Variants in RECQL5 observed in about 807,000 individuals in gnomAD.
RECQL5 encodes the protein ATP-dependent DNA helicase Q5.
Under a neutral mutation model 103.4 loss-of-function variants are expected in RECQL5, and 88 were observed. That is an observed-to-expected ratio of 0.85 (90% CI 0.72 to 1.02). RECQL5 has a LOEUF of 1.02. Ranked by LOEUF, RECQL5 falls within the 50% of genes least tolerant of loss-of-function variation. RECQL5 has a pLI of 0.00. For missense variants in RECQL5, 1,232 were observed against 1,284.3 expected (o/e 0.96, Z 0.62); for synonymous variants, 552 against 507.9 (o/e 1.09, Z -1.17).
intron 2 of RECQL5, among the ~76,000 whole-genome samples, chr17:75,666,148 G>A (rs1216638922): frequency 6.6e-6 from 1 of 152,092 alleles, no homozygotes; most frequent in Admixed American, 6.6e-5. Context: ...GCTTTGGGCC[G>A]GGCGTGGTGG....
intron 8 of RECQL5, 85 bp downstream of exon 8, chr17:75,651,101 T>C (rs2059549779): frequency 6.2e-7 from 1 of 1,611,518 alleles, no homozygotes; most frequent in Non-Finnish European, 8.5e-7. Context: ...ACGGGCTGTC[T>C]TATGTCAGCT....
chr17:75,627,397 C>T lies in RECQL5; in HGVS notation c.*25G>A, dbSNP rs60609894. ...CCATGCTAGAATCTGGGGGAGGACG[C>T]GGGCCCTGCCCAGCCAGCAGTTGGT... On this transcript the variant is annotated 3_prime_UTR_variant, in exon 20 of 20. Coordinates refer to ENST00000317905, the MANE Select transcript of RECQL5 (RefSeq NM_004259.7). 2.3e-5 allele frequency: 36 copies of T among 1,586,878 alleles called. No individual in the cohort carries two copies. Among genetic ancestry groups the T allele is most frequent in the Admixed American group, 5.0e-5 (3 of 59,970 alleles).
At position 75,662,530 on chromosome 17, in the gene RECQL5, C is replaced by T. The variant is rs1462477041; in HGVS notation, c.720G>A (p.Gly240=). The change falls in exon 4 of 20, where the codon GGG becomes GGA. Residue 240 remains glycine, a synonymous_variant. Transcript: ENST00000317905. ...QFKELISDPY[G]NLKDFCLKAL... ...CCTTAAGGCAGAAGTCCTTCAGGTT[C>T]CCATAGGGATCAGAAATCAGTTCCT... is the stretch of plus-strand genomic sequence containing the variant. 28 of 1,614,030 alleles carry T rather than the reference C, an allele frequency of 1.7e-5. No homozygotes were observed. The highest frequency in any genetic ancestry group is 2.7e-5 in the African/African-American group (2 of 74,912).
At chr17:75,659,854 T>C (rs962770096) in intron 6 of RECQL5, among the ~76,000 whole-genome samples, 1 of 152,204 alleles carries the variant, frequency 6.6e-6, no homozygotes, top group Admixed American at 6.5e-5. Context: ...AAACGCCTCT[T>C]GAAGGTCATG....
At position 75,666,432 on chromosome 17, in the gene RECQL5, T is replaced by C; in HGVS notation, c.126A>G (p.Val42=). The part of the protein sequence containing the change: ...PLQESATMAV[V]KGNKDVFVCM... ...AAGGTAGCTTGGTAATGTTACCTTT[T>C]ACTACAGCCATGGTCGCACTCTCCT... The change falls in exon 2 of 20, where the codon GTA becomes GTG. Residue 42 remains valine (V), a synonymous_variant. Coordinates refer to ENST00000317905, the MANE Select transcript of RECQL5 (RefSeq NM_004259.7). 2 of 1,613,844 alleles carry C rather than the reference T, an allele frequency of 1.2e-6. No homozygotes were observed. The highest frequency in any genetic ancestry group is 1.1e-5 in the South Asian group (1 of 91,022).
rs202020084 is a variant in RECQL5 at position 75,629,056 on chromosome 17, G to C, written c.2367C>G (p.Pro789=). ...GGGGTCCCTGAACCCCCTCACAGGA[G>C]GGGCAGGCACCTTCTGCCTCTGGGG... The part of the protein sequence containing the change: ...ASAPEAEGAC[P]SCEGVQGPPM... The change falls in exon 16 of 20, where the codon CCC becomes CCG. Residue 789 remains proline, a synonymous_variant. Transcript: ENST00000317905. The C allele has an allele frequency of 1.4e-4, 222 of 1,605,614 alleles. 2 individuals carry two copies. The South Asian group carries it at 1.8e-3, about 13-fold the overall frequency.
intron 2 of RECQL5, among the ~76,000 whole-genome samples, chr17:75,665,836 A>G (rs1044406131): frequency 6.6e-6 from 1 of 152,180 alleles, no homozygotes; most frequent in Non-Finnish European, 1.5e-5. Flanking sequence ...TTGTTTAGAC[A>G]TGTATCATTA....
Position 75,662,614 on chromosome 17 carries a change from T to A in RECQL5, c.636A>T (p.Pro212=). ...DVFAALHLKK[P]VAIFKTPCFR... The stretch of plus-strand genomic sequence containing the variant: ...AGCAGGGAGTCTTGAAGATGGCAAC[T>A]GGTTTCTTCAGGTGCAGGGCAGCAA... Residue 212 remains proline (P), a synonymous_variant, in exon 4 of 20, where the codon CCA becomes CCT. Coordinates refer to ENST00000317905, the MANE Select transcript of RECQL5 (RefSeq NM_004259.7). The A allele has an allele frequency of 6.2e-7, 1 of 1,614,190 alleles. No individual in the cohort carries two copies. Among genetic ancestry groups the A allele is most frequent in the Non-Finnish European group, 8.5e-7 (1 of 1,180,044 alleles).
chr17:75,657,342 G>A (rs1042334217), intron 7 of RECQL5, among the ~76,000 whole-genome samples: 4 of 152,122 alleles, frequency 2.6e-5, no homozygotes, highest in African/African-American at 2.4e-5. Context: ...CTATGATTAC[G>A]CCTGTGAATC....
At chr17:75,651,047 G>A (rs1337809127) in intron 8 of RECQL5, 139 bp downstream of exon 8, 1 of 1,568,390 alleles carries the variant, frequency 6.4e-7, no homozygotes, top group Non-Finnish European at 8.6e-7. Flanking sequence ...CTTCCACACT[G>A]CCCGACACAA....
Position 75,662,963 on chromosome 17 carries a change from C to T in RECQL5, c.287G>A (p.Arg96Gln), listed in dbSNP as rs754082956. ...QVDHLLTLKV[R>Q]VSSLNSKLSA... The stretch of plus-strand genomic sequence containing the variant: ...GAGCTTCGAGTTCAGGGAACTTACT[C>T]GTACCTTTAGGGTTAGCAAGTGGTC... The change falls in exon 4 of 20, where the codon CGA becomes CAA. Residue 96 changes from arginine (R) to glutamine (Q), a missense_variant. Arg to Gln is a conservative substitution (Grantham distance 43). Transcript: ENST00000317905. The T allele has an allele frequency of 6.2e-6, 10 of 1,612,490 alleles. No homozygotes were observed. Among genetic ancestry groups the T allele is most frequent in the Admixed American group, 1.7e-5 (1 of 59,856 alleles).
chr17:75,630,131 A>G, intron 14 of RECQL5, 53 bp downstream of exon 14: 1 of 1,421,722 alleles, frequency 7.0e-7, no homozygotes, highest in East Asian at 2.5e-5. Context: ...CTTCTGCGTC[A>G]GAGTATGGAG....
In RECQL5 at chr17:75,627,680, C is replaced by G; in HGVS notation, c.2818G>C (p.Gly940Arg). The G allele has an allele frequency of 3.7e-6, 6 of 1,607,360 alleles. No individual in the cohort carries two copies. The highest frequency in any genetic ancestry group is 5.1e-6 in the Non-Finnish European group (6 of 1,176,690). Reference sequence around the variant, plus strand: ...AAGTGTGAGAGGTGGCGGGCAAAGCCTTTAAACAACTCCTGGAAGGGAGAG... The same window carrying G: ...AAGTGTGAGAGGTGGCGGGCAAAGCGTTTAAACAACTCCTGGAAGGGAGAG... ...GKFASKELFK[G>R]FARHLSHLLT... Residue 940 changes from glycine to arginine, a missense_variant, in exon 19 of 20, where the codon GGC becomes CGC. Transcript: ENST00000317905.
rs113150921 is a variant in RECQL5, at chr17:75,630,844, G to C, written c.1586-7C>G. ...TTCAGGGGACAGTTCTCATCTGTGG[G>C]GGGGGGGGGTGGTCCTTGGTCCTTT... On this transcript the variant is annotated splice_polypyrimidine_tract_variant and splice_region_variant and intron_variant, in intron 11 of 19. Coordinates refer to ENST00000317905, the MANE Select transcript of RECQL5 (RefSeq NM_004259.7). The C allele has an allele frequency of 1.2e-5, 14 of 1,139,866 alleles. No homozygotes were observed. In the Admixed American group the frequency reaches 1.8e-4, roughly 15 times the overall value. The allele number at this position is 1,139,866 out of a possible 1,614,324, so 70.6% of individuals were successfully genotyped here.
chr17:75,629,419 C>T lies in RECQL5; in HGVS notation c.2004G>A (p.Thr668=), dbSNP rs745762695. ...GAGTTGTCTCCATCAGTTCCGTGGC[C>T]GTCTGGAACGGGCAGGAGCCTTTGG... is the stretch of plus-strand genomic sequence containing the variant. The part of the protein sequence containing the change: ...GFPKGSCPFQ[T]ATELMETTRI... The change falls in exon 16 of 20, where the codon ACG becomes ACA. Residue 668 remains threonine, a synonymous_variant. Coordinates refer to ENST00000317905, the MANE Select transcript of RECQL5 (RefSeq NM_004259.7). 33 of 1,505,418 alleles carry T rather than the reference C, an allele frequency of 2.2e-5. No individual in the cohort carries two copies. The highest frequency in any genetic ancestry group is 5.5e-5 in the South Asian group (4 of 72,404). The allele number at this position is 1,505,418 out of a possible 1,614,324, so 93.3% of individuals were successfully genotyped here. A position where few individuals can be genotyped will look rare whatever the true frequency, so the allele number is the denominator to read the frequency against.
rs191569738 is a variant in RECQL5, at chr17:75,658,400, C to T, written c.1047G>A (p.Arg349=). The change falls in exon 7 of 20, where the codon CGG becomes CGA. Residue 349 remains arginine, a synonymous_variant. Transcript: ENST00000317905. The part of the protein sequence containing the change: ...SMAGYYQESG[R]AGRDGKPSWC... The stretch of plus-strand genomic sequence containing the variant: ...AGGAAGGCTTCCCATCCCTGCCAGC[C>T]CGGCCAGACTCCTGGTAGTACCCAG... The T allele has an allele frequency of 8.1e-6, 13 of 1,614,078 alleles. No individual in the cohort carries two copies. In the East Asian group the frequency reaches 1.6e-4, roughly 19 times the overall value.
rs1405171972 is a variant in RECQL5, at chr17:75,662,910, C to T, written c.340G>A (p.Ala114Thr). 1 of 1,614,150 alleles carries T rather than the reference C, an allele frequency of 6.2e-7. No individual in the cohort carries two copies. Among genetic ancestry groups the T allele is most frequent in the East Asian group, 2.2e-5 (1 of 44,880 alleles). The change falls in exon 4 of 20, where the codon GCT (alanine) becomes ACT (threonine). Residue 114 changes from alanine (A) to threonine (T), a missense_variant. Transcript: ENST00000317905. ...TGGGGCTTTTCTCGCTCCAGGTCAG[C>T]AAGCAGCTCCTTCCTTTCCTGTGCA... is the stretch of plus-strand genomic sequence containing the variant. ...LSAQERKELL[A>T]DLEREKPQTK... is the part of the protein sequence containing the mutation.
chr17:75,639,946 C>A (rs1205735157), intron 8 of RECQL5: 2 of 433,898 alleles, frequency 4.6e-6, no homozygotes, highest in Non-Finnish European at 8.1e-6. Context: ...CCGAAGCAAG[C>A]CCTTGGTCTC....
chr17:75,662,066 C>T (rs2148342110), intron 4 of RECQL5, among the ~76,000 whole-genome samples: 1 of 152,300 alleles, frequency 6.6e-6, no homozygotes, highest in Admixed American at 6.5e-5. Flanking sequence ...GAGGCTGAGG[C>T]AGGAGAATCG....
Sources: gnomAD v4.1 joint callset for allele counts (sites outside exome capture counted in the v4.1 genomes callset) on GRCh38, gnomAD v4.1.1 for gene constraint, MANE v1.5 for transcripts, NCBI Gene and HGNC (gene_info 2026-07-23, HGNC 2026-07-21) for gene names.